Variants in MMP16 observed in about 807,000 individuals in gnomAD.
MMP16 encodes matrix metalloproteinase-16.
In MMP16, 12 loss-of-function variants were observed where a neutral mutation model predicts 67.8. That is an observed-to-expected ratio of 0.18 (90% CI 0.11 to 0.29). The LOEUF is 0.29. Among genes scored for constraint, MMP16 ranks in the 10% least tolerant of loss-of-function variants. MMP16 has a pLI of 1.00. For synonymous variants in MMP16, 249 were observed against 255.9 expected (o/e 0.97, Z 0.26); for missense variants, 475 against 765.7 (o/e 0.62, Z 4.48).
intron 6 of MMP16, among the ~76,000 whole-genome samples, chr8:88,081,942 G>T (rs1289079506): frequency 1.3e-5 from 2 of 151,964 alleles, no homozygotes; most frequent in Non-Finnish European, 2.9e-5. Flanking sequence ...AACATTGGTT[G>T]TGACCAATAA....
chr8:88,226,416 A>T (rs1339980586), intron 1 of MMP16, among the ~76,000 whole-genome samples: 1 of 152,084 alleles, frequency 6.6e-6, no homozygotes. Flanking sequence ...ATACCAATTA[A>T]GATATTTCTG....
rs1197118371 is a variant in MMP16, at chr8:88,038,738, AC to A, written c.*2722del. 1.3e-5 allele frequency: 2 copies of A among 152,522 alleles called. No individual in the cohort carries two copies. The highest frequency in any genetic ancestry group is 6.6e-5 in the Admixed American group (1 of 15,246). 9.4% of individuals were successfully genotyped at this position (152,522 alleles called of 1,614,324 possible). On this transcript the variant is annotated 3_prime_UTR_variant, in exon 10 of 10. Coordinates refer to ENST00000286614, the MANE Select transcript of MMP16 (RefSeq NM_005941.5). This position sits in a 1 kb window ranked among gnomAD's most constrained non-coding sequence, Gnocchi z 4.1. ...CCTCCATGCTTAGCAGCAGTGACTAACTCTTTATAATATCAGCATCATCTAG... is the reference window on the plus strand; with the variant it reads ...CCTCCATGCTTAGCAGCAGTGACTAATCTTTATAATATCAGCATCATCTAG...
chr8:88,045,226 T>C (rs1808183119), intron 9 of MMP16, among the ~76,000 whole-genome samples: 1 of 152,240 alleles, frequency 6.6e-6, no homozygotes, highest in African/African-American at 2.4e-5. Context: ...TAGCATATCA[T>C]TATACATATA....
intron 3 of MMP16, among the ~76,000 whole-genome samples, chr8:88,181,771 C>A (rs918765410): frequency 1.3e-5 from 2 of 151,806 alleles, no homozygotes; most frequent in Admixed American, 6.6e-5. Context: ...GTAAGACTTA[C>A]TATAAAATCA....
intron 4 of MMP16, among the ~76,000 whole-genome samples, chr8:88,129,594 A>T (rs1443708482): frequency 6.6e-6 from 1 of 151,552 alleles, no homozygotes; most frequent in East Asian, 1.9e-4. Context: ...AAAAAAAAGA[A>T]AAGAAAAGGT....
In MMP16 at chr8:88,308,114, A is replaced by T. The variant is rs151226633; in HGVS notation, c.132+18961T>A. 5.3e-5 allele frequency among the ~76,000 whole-genome samples: 8 copies of T among 152,238 alleles called. No homozygotes were observed. The East Asian group carries it at 1.5e-3, about 29-fold the overall frequency. ...AAAATTAGTATATAATAAAGGCAGC[A>T]TTTAAAGCATTGAAAACATCATAAA... On this transcript the variant is annotated intron_variant, in intron 1 of 9. Coordinates refer to ENST00000286614, the MANE Select transcript of MMP16 (RefSeq NM_005941.5).
intron 9 of MMP16, among the ~76,000 whole-genome samples, chr8:88,042,442 A>T (rs1281283860): frequency 4.6e-5 from 7 of 152,186 alleles, no homozygotes; most frequent in Non-Finnish European, 7.3e-5. Context: ...TATTCATAGT[A>T]TTCGGTACTC....
intron 4 of MMP16, among the ~76,000 whole-genome samples, chr8:88,156,259 G>T (rs190591708): frequency 6.6e-6 from 1 of 151,996 alleles, no homozygotes; most frequent in Non-Finnish European, 1.5e-5. Flanking sequence ...ATATTCCATG[G>T]TCTTAGGTCA....
At chr8:88,276,378 C>T (rs1353116316) in intron 1 of MMP16, among the ~76,000 whole-genome samples, 2 of 152,082 alleles carry the variant, frequency 1.3e-5, no homozygotes, top group African/African-American at 4.8e-5. Context: ...TCAAGTATTA[C>T]TCATTTCCCT....
chr8:88,169,399 T>A (rs1310410945), intron 3 of MMP16, among the ~76,000 whole-genome samples: 2 of 152,146 alleles, frequency 1.3e-5, no homozygotes, highest in Non-Finnish European at 2.9e-5. Flanking sequence ...AGTAACTCAA[T>A]GAGATGGGTA....
chr8:88,212,852 T>C (rs906104982), intron 1 of MMP16, among the ~76,000 whole-genome samples: 4 of 152,300 alleles, frequency 2.6e-5, no homozygotes, highest in Non-Finnish European at 5.9e-5. Flanking sequence ...ATCTACGTAT[T>C]ATGTGTGCAA....
chr8:88,261,971 T>C (rs1472743824), intron 1 of MMP16, among the ~76,000 whole-genome samples: 1 of 152,170 alleles, frequency 6.6e-6, no homozygotes, highest in East Asian at 1.9e-4. Context: ...GTTACTTAGG[T>C]AGAATGTTAA....
chr8:88,270,396 AG>A (rs1457459535), intron 1 of MMP16, among the ~76,000 whole-genome samples: 10 of 152,352 alleles, frequency 6.6e-5, no homozygotes, highest in Middle Eastern at 3.4e-3. Flanking sequence ...TCAGTGAATA[AG>A]GTCTGCAATA....
chr8:88,049,606 G>A (rs752142723), intron 8 of MMP16, among the ~76,000 whole-genome samples: 5 of 152,172 alleles, frequency 3.3e-5, no homozygotes, highest in Non-Finnish European at 7.4e-5. Context: ...AATAGATGCA[G>A]CGTCGGTTTA....
intron 1 of MMP16, among the ~76,000 whole-genome samples, chr8:88,269,549 A>G (rs1810532211): frequency 6.6e-6 from 1 of 152,194 alleles, no homozygotes; most frequent in African/African-American, 2.4e-5. Flanking sequence ...TACTGAGACT[A>G]GAACTGATGG....
At chr8:88,292,901 C>G (rs532183586) in intron 1 of MMP16, among the ~76,000 whole-genome samples, 2 of 152,000 alleles carry the variant, frequency 1.3e-5, no homozygotes, top group Non-Finnish European at 2.9e-5. Context: ...AGTTTCAATG[C>G]CTAATTGACA....
intron 1 of MMP16, among the ~76,000 whole-genome samples, chr8:88,298,762 C>T (rs1443300378): frequency 6.6e-6 from 1 of 152,090 alleles, no homozygotes; most frequent in Non-Finnish European, 1.5e-5. Flanking sequence ...TGGCGCTATT[C>T]TGTGATTAGC....
intron 1 of MMP16, among the ~76,000 whole-genome samples, chr8:88,263,824 C>T (rs867849781): frequency 6.6e-6 from 1 of 151,952 alleles, no homozygotes; most frequent in Non-Finnish European, 1.5e-5. Flanking sequence ...CCTTGACATA[C>T]GAATTTTGTA....
intron 1 of MMP16, among the ~76,000 whole-genome samples, chr8:88,248,066 T>C (rs1433203407): frequency 2.0e-5 from 3 of 152,032 alleles, no homozygotes; most frequent in Non-Finnish European, 2.9e-5. Context: ...ATCCCCTATA[T>C]ACATACACCT....
Sources: gnomAD v4.1 joint callset for allele counts (sites outside exome capture counted in the v4.1 genomes callset) on GRCh38, gnomAD v4.1.1 for gene constraint, Gnocchi (gnomAD v3.1) non-coding constraint, MANE v1.5 for transcripts, NCBI Gene and HGNC (gene_info 2026-07-23, HGNC 2026-07-21) for gene names.